Variants in ETNK1 observed in about 807,000 individuals in gnomAD.
ETNK1 encodes putative protein product of Nbla10396.
A neutral mutation model predicts 45.1 loss-of-function variants in ETNK1; 8 were observed. That is an observed-to-expected ratio of 0.18 (90% CI 0.10 to 0.32). The LOEUF (loss-of-function observed/expected upper bound fraction) is 0.32. ETNK1 is among the 10% of genes least tolerant of loss of function. ETNK1 has a pLI of 1.00. For missense variants in ETNK1, 302 were observed against 430.6 expected, an observed-to-expected ratio of 0.70 and a Z score of 2.64; for synonymous variants, 152 against 151.9, an observed-to-expected ratio of 1.00 and a Z score of -0.01.
rs1954131281 is a variant in ETNK1 at position 22,673,533 on chromosome 12, A to G, written c.818A>G (p.Asp273Gly). ...VSDVDYSLYPDRELQSQWLRA... is the reference protein window; with the variant it reads ...VSDVDYSLYPGRELQSQWLRA... ...GATGTAGACTATAGTCTGTATCCAGATAGAGAACTACAGAGTCAGTGGCTG... is the reference window on the plus strand; with the variant it reads ...GATGTAGACTATAGTCTGTATCCAGGTAGAGAACTACAGAGTCAGTGGCTG... The change falls in exon 6 of 8, where the codon GAT (aspartate) becomes GGT (glycine). Residue 273 changes from aspartate to glycine, a missense_variant. By Grantham distance (94) the Asp-to-Gly change is moderately conservative. This residue lies in a region of ETNK1 where 94 missense variants were observed against 152.9 expected (regional missense o/e 0.61). Transcript: ENST00000266517. The G allele has an allele frequency of 6.2e-7, 1 of 1,613,780 alleles. No individual in the cohort carries two copies. The highest frequency in any genetic ancestry group is 8.5e-7 in the Non-Finnish European group (1 of 1,179,812).
rs1954245745 is a variant in ETNK1 at position 22,684,806 on chromosome 12, G to A, written c.1020-76G>A. 3.4e-6 allele frequency: 4 copies of A among 1,169,720 alleles called. No homozygotes were observed. In the Admixed American group the frequency reaches 6.7e-5, roughly 20 times the overall value. 72.5% of individuals were successfully genotyped at this position (1,169,720 alleles called of 1,614,324 possible). On this transcript the variant is annotated intron_variant, in intron 7 of 7. Coordinates refer to ENST00000266517, the MANE Select transcript of ETNK1 (RefSeq NM_018638.5). ...TAAACTTTAAGAAAACCAGCTTAGA[G>A]GACTGAGTGAAAATAAGGGAAGGAC...
chr12:22,664,893 C>G (rs906871428), intron 4 of ETNK1, among the ~76,000 whole-genome samples: 3 of 152,076 alleles, frequency 2.0e-5, no homozygotes, highest in Non-Finnish European at 2.9e-5. Context: ...TTGGAATCAT[C>G]AAGCTCAGTA....
At chr12:22,681,997 AT>A (rs1954219483) in intron 6 of ETNK1, among the ~76,000 whole-genome samples, 2 of 152,254 alleles carry the variant, frequency 1.3e-5, no homozygotes, top group South Asian at 4.1e-4. Flanking sequence ...GTATCAATTA[AT>A]TTTTTACTCT....
intron 6 of ETNK1, among the ~76,000 whole-genome samples, chr12:22,680,866 G>A (rs1592138144): frequency 7.3e-6 from 1 of 137,188 alleles, no homozygotes; most frequent in East Asian, 2.1e-4. Context: ...CAGAGTATAC[G>A]TAATGGCTTT....
In ETNK1 at chr12:22,661,147, T is replaced by C. The variant is rs1409538910; in HGVS notation, c.642T>C (p.Pro214=). The stretch of plus-strand genomic sequence containing the variant: ...AGATTCTTTCCAACCTGGGCTCACC[T>C]GTTGTGCTTTGCCATAATGACCTAT... ...MKEILSNLGS[P]VVLCHNDLLC... Residue 214 remains proline, a synonymous_variant, in exon 4 of 8, where the codon CCT becomes CCC. Coordinates refer to ENST00000266517, the MANE Select transcript of ETNK1 (RefSeq NM_018638.5). 6 of 1,612,552 alleles carry C rather than the reference T, an allele frequency of 3.7e-6. No homozygotes were observed. The South Asian group carries it at 4.4e-5, about 12-fold the overall frequency.
chr12:22,659,260 CT>C lies in ETNK1; in HGVS notation c.557+109del, dbSNP rs1953975218. The C allele has an allele frequency of 9.5e-6, 11 of 1,161,130 alleles. No individual in the cohort carries two copies. The South Asian group carries it at 1.8e-4, about 19-fold the overall frequency. 71.9% of individuals were successfully genotyped at this position (1,161,130 alleles called of 1,614,324 possible). A position where few individuals can be genotyped will look rare whatever the true frequency, so the allele number is the denominator to read the frequency against. On this transcript the variant is annotated intron_variant, in intron 3 of 7. Transcript: ENST00000266517. ...CATTGTATAAAATCTGGTTTTCTTT[CT>C]TTGCATTGAAGTAAAGTAAGCATTG...
In ETNK1 at chr12:22,688,882, G is replaced by T. The variant is rs191164600; in HGVS notation, c.*3928G>T. 6.6e-6 allele frequency: 1 copy of T among 151,952 alleles called. No individual in the cohort carries two copies. Among genetic ancestry groups the T allele is most frequent in the Non-Finnish European group, 1.5e-5 (1 of 67,770 alleles). 9.4% of individuals were successfully genotyped at this position (151,952 alleles called of 1,614,324 possible). A position where few individuals can be genotyped will look rare whatever the true frequency, so the allele number is the denominator to read the frequency against. On this transcript the variant is annotated 3_prime_UTR_variant, in exon 8 of 8. Coordinates refer to ENST00000266517, the MANE Select transcript of ETNK1 (RefSeq NM_018638.5). The stretch of plus-strand genomic sequence containing the variant: ...ACCTGTTTTCAGTTCTTTTTGAAAA[G>T]AAGACATTATTTATATTGAACCACC...
At chr12:22,666,037 G>A (rs922139681) in intron 4 of ETNK1, among the ~76,000 whole-genome samples, 9 of 152,196 alleles carry the variant, frequency 5.9e-5, no homozygotes, top group Non-Finnish European at 1.3e-4. Flanking sequence ...GCAGTTTGTA[G>A]GCATTTTTAC....
At chr12:22,638,115 A>G (rs1350229526) in intron 1 of ETNK1, among the ~76,000 whole-genome samples, 2 of 152,166 alleles carry the variant, frequency 1.3e-5, no homozygotes, top group Non-Finnish European at 2.9e-5. Flanking sequence ...TCTTGCAAGA[A>G]ATTTGGCAGA....
chr12:22,673,772 A>G, intron 6 of ETNK1, 112 bp downstream of exon 6: 1 of 1,059,440 alleles, frequency 9.4e-7, no homozygotes. Context: ...ATTTTTGTTC[A>G]AAATAATGTA....
In ETNK1 at chr12:22,643,937, T is replaced by C; in HGVS notation, c.331T>C (p.Cys111Arg). Residue 111 changes from cysteine to arginine, a missense_variant, in exon 2 of 8, where the codon TGT (cysteine) becomes CGT (arginine). Around this residue, in one of 3 missense-constraint regions of ETNK1, gnomAD observed 205 missense variants for 259.9 expected, o/e 0.79. Coordinates refer to ENST00000266517, the MANE Select transcript of ETNK1 (RefSeq NM_018638.5). ...QAHGCAPQLY[C>R]TFNNGLCYEF... ...TCATGGGTGTGCACCACAACTCTAC[T>C]GTACCTTCAATAATGGACTATGCTA... 2.5e-6 allele frequency: 4 copies of C among 1,613,512 alleles called. No individual in the cohort carries two copies. The highest frequency in any genetic ancestry group is 3.4e-6 in the Non-Finnish European group (4 of 1,179,540).
intron 5 of ETNK1, among the ~76,000 whole-genome samples, chr12:22,671,707 T>C (rs1195114878): frequency 2.0e-5 from 3 of 151,578 alleles, no homozygotes; most frequent in Admixed American, 6.6e-5. Context: ...GGCGTGGTGG[T>C]GGGCGCCTGT....
intron 6 of ETNK1, among the ~76,000 whole-genome samples, chr12:22,675,384 C>A (rs1409841716): frequency 6.6e-6 from 1 of 151,958 alleles, no homozygotes; most frequent in African/African-American, 2.4e-5. Flanking sequence ...GATACAAGGT[C>A]TTGCTCTGTC....
At chr12:22,666,616 A>T (rs557511251) in intron 4 of ETNK1, among the ~76,000 whole-genome samples, 1 of 152,192 alleles carries the variant, frequency 6.6e-6, no homozygotes, top group Admixed American at 6.5e-5. Context: ...ATAAAAGCTC[A>T]TGTAAATACC....
intron 1 of ETNK1, among the ~76,000 whole-genome samples, chr12:22,628,542 C>CT (rs1279430724): frequency 6.6e-6 from 1 of 151,978 alleles, no homozygotes; most frequent in Non-Finnish European, 1.5e-5. Flanking sequence ...AATTTTTATA[C>CT]TTTTCTTTGG....
At chr12:22,659,999 C>T (rs1449764971) in intron 3 of ETNK1, among the ~76,000 whole-genome samples, 1 of 147,998 alleles carries the variant, frequency 6.8e-6, no homozygotes, top group Admixed American at 6.7e-5. Flanking sequence ...TTTTATAATC[C>T]TTCGAATCCC....
At chr12:22,671,783 G>A (rs1169418097) in intron 5 of ETNK1, among the ~76,000 whole-genome samples, 1 of 148,802 alleles carries the variant, frequency 6.7e-6, no homozygotes, top group Non-Finnish European at 1.5e-5. Context: ...AGTTTGCAGT[G>A]AGCCGAGATC....
intron 2 of ETNK1, among the ~76,000 whole-genome samples, chr12:22,653,677 A>C (rs1000424948): frequency 6.6e-6 from 1 of 152,102 alleles, no homozygotes; most frequent in African/African-American, 2.4e-5. Context: ...TAAAAGTGCA[A>C]CTGATTTTTG....
chr12:22,625,946 C>T (rs888996304), intron 1 of ETNK1: 4 of 524,268 alleles, frequency 7.6e-6, no homozygotes, highest in East Asian at 9.5e-5. Context: ...TCCTCGTCTA[C>T]CTCCTCCCCT....
Sources: allele counts gnomAD v4.1 joint callset (sites outside exome capture counted in the v4.1 genomes callset), GRCh38; gene constraint gnomAD v4.1.1; regional missense constraint gnomAD v4.1.1; transcripts MANE v1.5; gene names NCBI Gene and HGNC (gene_info 2026-07-23, HGNC 2026-07-21).